Variants in TTC1 observed in about 807,000 individuals in gnomAD.
TTC1 encodes the protein tetratricopeptide repeat protein 1.
TTC1 carries 31 observed loss-of-function variants against 37.6 expected under a neutral mutation model. That is an observed-to-expected ratio of 0.82 (90% confidence interval 0.62 to 1.11). The LOEUF is 1.11. Among genes scored for constraint, TTC1 ranks in the 50% most tolerant of loss-of-function variants. TTC1 has a pLI of 0.00. For missense variants in TTC1, 351 were observed against 339.0 expected, an observed-to-expected ratio of 1.04 and a Z score of -0.28; for synonymous variants, 127 against 122.4, an observed-to-expected ratio of 1.04 and a Z score of -0.25.
At chr5:160,029,386 A>C (rs549538845) in intron 2 of TTC1, among the ~76,000 whole-genome samples, 5 of 151,894 alleles carry the variant, frequency 3.3e-5, no homozygotes, top group Admixed American at 2.0e-4. Flanking sequence ...TCATACCTGT[A>C]ATCTCAGCAC....
chr5:160,063,081 C>T (rs1481136207), intron 7 of TTC1, among the ~76,000 whole-genome samples: 5 of 152,206 alleles, frequency 3.3e-5, no homozygotes, highest in African/African-American at 1.2e-4. Flanking sequence ...GAACAGCCAT[C>T]CCAGGTTCTG....
intron 7 of TTC1, among the ~76,000 whole-genome samples, chr5:160,058,309 C>G (rs1299402894): frequency 6.6e-6 from 1 of 152,212 alleles, no homozygotes; most frequent in African/African-American, 2.4e-5. Flanking sequence ...TCTTCACCCC[C>G]TCAAAGTCAT....
chr5:160,046,150 C>T (rs1490065374), intron 5 of TTC1, among the ~76,000 whole-genome samples: 1 of 152,190 alleles, frequency 6.6e-6, no homozygotes, highest in South Asian at 2.1e-4. Context: ...ACTTGGCTGT[C>T]TCTACTTTGT....
Position 160,028,576 on chromosome 5 carries a change from C to T in TTC1, c.331-6564C>T, listed in dbSNP as rs572622445. ...ATGGCCTCAACTTCCTGGGCTCAAGCGATCCTCCCACCTCAGCCTCCAGAG... is the reference window on the plus strand; with the variant it reads ...ATGGCCTCAACTTCCTGGGCTCAAGTGATCCTCCCACCTCAGCCTCCAGAG... On this transcript the variant is annotated intron_variant, in intron 2 of 7. Transcript: ENST00000231238. Among the ~76,000 whole-genome samples, 120 of 152,250 alleles carry T rather than the reference C, an allele frequency of 7.9e-4. 1 individual carries two copies. The highest frequency in any genetic ancestry group is 2.5e-4 in the Non-Finnish European group (17 of 68,016).
Position 160,065,151 on chromosome 5 carries a change from T to G in TTC1, c.*86T>G, listed in dbSNP as rs1041726067. ...GGGAAAGGCCCTGCCAATGTTTAAC[T>G]TTTAAAAGCATCTTATCTAAAAGAA... On this transcript the variant is annotated 3_prime_UTR_variant, in exon 8 of 8. Coordinates refer to ENST00000231238, the MANE Select transcript of TTC1 (RefSeq NM_003314.3). The G allele has an allele frequency of 1.9e-6, 3 of 1,540,506 alleles. No homozygotes were observed. The African/African-American group carries it at 4.1e-5, about 21-fold the overall frequency.
chr5:160,010,507 G>A lies in TTC1; in HGVS notation c.-22G>A, dbSNP rs1756480270. The A allele has an allele frequency of 2.5e-6, 4 of 1,598,190 alleles. No individual in the cohort carries two copies. The highest frequency in any genetic ancestry group is 2.6e-6 in the Non-Finnish European group (3 of 1,169,236). On this transcript the variant is annotated 5_prime_UTR_variant, in exon 2 of 8. Transcript: ENST00000231238. ...TGTTTTGTTTTCCCCCAGCTTTAGC[G>A]TCACCTCCCTCACTGGGCAGCATGG...
At chr5:160,040,304 G>A (rs1194330104) in intron 4 of TTC1, among the ~76,000 whole-genome samples, 2 of 152,080 alleles carry the variant, frequency 1.3e-5, no homozygotes, top group African/African-American at 4.8e-5. Context: ...TGTATGCCAT[G>A]AATGGATCTT....
intron 5 of TTC1, among the ~76,000 whole-genome samples, chr5:160,045,090 G>C (rs1360978774): frequency 6.6e-6 from 1 of 152,130 alleles, no homozygotes; most frequent in Non-Finnish European, 1.5e-5. Flanking sequence ...GTGTGGGTTT[G>C]GGAAGTTTAA....
intron 5 of TTC1, among the ~76,000 whole-genome samples, chr5:160,045,072 G>C (rs192050566): frequency 2.2e-4 from 34 of 152,294 alleles, no homozygotes; most frequent in Middle Eastern, 3.4e-3. Flanking sequence ...TTTCCTTTAT[G>C]TGAGGATGTG....
At chr5:160,063,521 A>G (rs1360758434) in intron 7 of TTC1, 1 of 151,716 alleles carries the variant, frequency 6.6e-6, no homozygotes, top group Non-Finnish European at 1.5e-5. Flanking sequence ...AGCCAAGGCC[A>G]TGCACCTTTA....
chr5:160,025,485 C>T (rs183501771), intron 2 of TTC1, among the ~76,000 whole-genome samples: 41 of 152,280 alleles, frequency 2.7e-4, no homozygotes, highest in African/African-American at 9.4e-4. Context: ...ACATAGGTCT[C>T]GAAATGACTA....
At chr5:160,034,442 A>G (rs545820085) in intron 2 of TTC1, among the ~76,000 whole-genome samples, 3 of 152,240 alleles carry the variant, frequency 2.0e-5, no homozygotes, top group East Asian at 1.9e-4. Context: ...ACATTTTCCT[A>G]TGTTAACCTG....
At chr5:160,023,167 A>T (rs1756741701) in intron 2 of TTC1, among the ~76,000 whole-genome samples, 1 of 152,038 alleles carries the variant, frequency 6.6e-6, no homozygotes, top group Non-Finnish European at 1.5e-5. Context: ...GAGGCAGGAG[A>T]ATCACTTGAA....
intron 3 of TTC1, 112 bp downstream of exon 3, chr5:160,035,312 CAAT>C: frequency 1.2e-6 from 1 of 831,070 alleles, no homozygotes; most frequent in African/African-American, 1.8e-5. Context: ...CCAGACTTCA[CAAT>C]ACAGTGTTGC....
chr5:160,009,572 A>AT (rs1406869085), intron 1 of TTC1, among the ~76,000 whole-genome samples: 31 of 152,240 alleles, frequency 2.0e-4, no homozygotes, highest in Middle Eastern at 6.8e-3. Context: ...AATTGGCTGC[A>AT]TATCAGAATC....
At chr5:160,045,550 T>TCTCTCC (rs1757217425) in intron 5 of TTC1, among the ~76,000 whole-genome samples, 1 of 119,074 alleles carries the variant, frequency 8.4e-6, no homozygotes, top group Non-Finnish European at 1.7e-5. Flanking sequence ...TCTCTCTCTC[T>TCTCTCC]CTCCCCCTCC....
chr5:160,031,756 C>T (rs1473795417), intron 2 of TTC1, among the ~76,000 whole-genome samples: 1 of 152,158 alleles, frequency 6.6e-6, no homozygotes, highest in Non-Finnish European at 1.5e-5. Context: ...AATCCCAACA[C>T]ACTAGGAGGC....
chr5:160,048,275 C>T (rs538152548), intron 5 of TTC1, among the ~76,000 whole-genome samples: 1 of 151,534 alleles, frequency 6.6e-6, no homozygotes, highest in African/African-American at 2.4e-5. Flanking sequence ...CCTAAACCAC[C>T]CAAATAGCTG....
At chr5:160,051,082 G>GTTTTTT in intron 6 of TTC1, 47 bp from the exon 7 acceptor site, 1 of 1,236,514 alleles carries the variant, frequency 8.1e-7, no homozygotes, top group Non-Finnish European at 1.1e-6. Flanking sequence ...AAAGGTTTTG[G>GTTTTTT]TTTTTTTTTT....
Sources: allele counts gnomAD v4.1 joint callset (sites outside exome capture counted in the v4.1 genomes callset), GRCh38; gene constraint gnomAD v4.1.1; transcripts MANE v1.5; gene names NCBI Gene and HGNC (gene_info 2026-07-23, HGNC 2026-07-21).